ARHGAP24: variants seen among roughly 807,000 people sequenced by gnomAD.
ARHGAP24 encodes the protein Rho GTPase activating protein 24.
ARHGAP24 carries 50 observed loss-of-function variants against 76.4 expected under a neutral mutation model. That is an observed-to-expected ratio of 0.65 (90% CI 0.52 to 0.83). ARHGAP24 has a LOEUF of 0.83. Among genes scored for constraint, ARHGAP24 ranks in the 40% least tolerant of loss-of-function variants. The pLI, the probability that ARHGAP24 is intolerant of heterozygous loss-of-function variation, is 0.00. For synonymous variants in ARHGAP24, 345 were observed against 323.3 expected (o/e 1.07, Z -0.72); for missense variants, 930 against 914.2 (o/e 1.02, Z -0.22).
chr4:85,492,022 C>CTTTTTTTTTTTTTTTTTTTTTTTTTT (rs1560507162), intron 1 of ARHGAP24, among the ~76,000 whole-genome samples: 1 of 151,756 alleles, frequency 6.6e-6, no homozygotes, highest in African/African-American at 2.4e-5. Context: ...CATTTTGGTT[C>CTTTTTTTTTTTTTTTTTTTTTTTTTT]TTTTTATTTC....
intron 4 of ARHGAP24, among the ~76,000 whole-genome samples, chr4:85,937,867 C>A (rs1736736399): frequency 6.6e-6 from 1 of 152,122 alleles, no homozygotes; most frequent in Non-Finnish European, 1.5e-5. Flanking sequence ...GAGACAGAGT[C>A]ACATACTTCA....
chr4:85,601,144 T>C (rs1458403085), intron 2 of ARHGAP24, among the ~76,000 whole-genome samples: 2 of 152,234 alleles, frequency 1.3e-5, no homozygotes. Flanking sequence ...GTCTATATTT[T>C]TAATTTATTG....
chr4:85,746,656 G>T (rs1022877606), intron 3 of ARHGAP24, among the ~76,000 whole-genome samples: 1 of 151,876 alleles, frequency 6.6e-6, no homozygotes, highest in African/African-American at 2.4e-5. Flanking sequence ...GTTTTGTTGT[G>T]TTTTGTTTTT....
intron 1 of ARHGAP24, among the ~76,000 whole-genome samples, chr4:85,563,055 A>G (rs1211560264): frequency 6.6e-6 from 1 of 152,190 alleles, no homozygotes; most frequent in Non-Finnish European, 1.5e-5. Flanking sequence ...AGGATGGGGC[A>G]GGGAATCAAG....
intron 1 of ARHGAP24, among the ~76,000 whole-genome samples, chr4:85,543,195 C>A (rs1405399006): frequency 6.6e-6 from 1 of 152,138 alleles, no homozygotes; most frequent in Non-Finnish European, 1.5e-5. Context: ...GATTATGACA[C>A]CTTGAACATG....
chr4:85,906,287 G>A (rs559608966), intron 3 of ARHGAP24, among the ~76,000 whole-genome samples: 1 of 152,228 alleles, frequency 6.6e-6, no homozygotes, highest in South Asian at 2.1e-4. Context: ...AATAAATGAG[G>A]ACACCCATGT....
intron 3 of ARHGAP24, among the ~76,000 whole-genome samples, chr4:85,758,344 A>G (rs1471993138): frequency 6.6e-6 from 1 of 152,102 alleles, no homozygotes; most frequent in Non-Finnish European, 1.5e-5. Flanking sequence ...GGATGTTAGG[A>G]GAGAAGGCCT....
At chr4:85,722,819 G>A (rs1316634027) in intron 3 of ARHGAP24, among the ~76,000 whole-genome samples, 1 of 152,014 alleles carries the variant, frequency 6.6e-6, no homozygotes, top group Non-Finnish European at 1.5e-5. Flanking sequence ...AATTTATTTG[G>A]GTAAGTAATG....
chr4:85,573,510 G>C (rs1727223637), intron 2 of ARHGAP24, among the ~76,000 whole-genome samples: 2 of 152,110 alleles, frequency 1.3e-5, no homozygotes, highest in Non-Finnish European at 1.5e-5. Flanking sequence ...CCAGGACCAA[G>C]GCACCATGAG....
chr4:85,656,795 TAA>T (rs34198956), intron 2 of ARHGAP24, among the ~76,000 whole-genome samples: 1 of 150,300 alleles, frequency 6.7e-6, no homozygotes, highest in African/African-American at 2.4e-5. Flanking sequence ...TAATCAGCTT[TAA>T]AAAAAAAATA....
At chr4:85,852,800 T>C (rs946830718) in intron 3 of ARHGAP24, among the ~76,000 whole-genome samples, 98 of 152,268 alleles carry the variant, frequency 6.4e-4, no homozygotes, top group African/African-American at 2.3e-3. Context: ...GAACAGCAAA[T>C]ATTGCAGAAC....
At position 85,721,827 on chromosome 4, in the gene ARHGAP24, A is replaced by G. The variant is rs1325422055; in HGVS notation, c.181-58A>G. The G allele has an allele frequency of 7.8e-6, 11 of 1,402,716 alleles. No individual in the cohort carries two copies. The Admixed American group carries it at 1.7e-4, about 22-fold the overall frequency. The allele number at this position is 1,402,716 out of a possible 1,614,324, so 86.9% of individuals were successfully genotyped here. A position where few individuals can be genotyped will look rare whatever the true frequency, so the allele number is the denominator to read the frequency against. On this transcript the variant is annotated intron_variant, in intron 2 of 9. Coordinates refer to ENST00000395184, the MANE Select transcript of ARHGAP24 (RefSeq NM_001025616.3). ...CCTTGGATATTCACTGATTATAATG[A>G]TGATATATGATGTTTGCTCTCTGAT...
At chr4:85,551,789 T>C (rs1196199659) in intron 1 of ARHGAP24, among the ~76,000 whole-genome samples, 9 of 152,066 alleles carry the variant, frequency 5.9e-5, no homozygotes, top group Non-Finnish European at 2.9e-5. Flanking sequence ...ACATTTCTCA[T>C]AGGTTTTTAA....
At chr4:85,884,238 A>G (rs1272969320) in intron 3 of ARHGAP24, among the ~76,000 whole-genome samples, 1 of 152,154 alleles carries the variant, frequency 6.6e-6, no homozygotes, top group Non-Finnish European at 1.5e-5. Flanking sequence ...GTTCTCCAAC[A>G]AATCTCTTTT....
intron 1 of ARHGAP24, among the ~76,000 whole-genome samples, chr4:85,500,455 G>A (rs1269098385): frequency 1.3e-5 from 2 of 152,198 alleles, no homozygotes; most frequent in Non-Finnish European, 2.9e-5. Context: ...AATGGTAATA[G>A]TACTGTCCTA....
At chr4:85,724,858 A>G (rs1417605534) in intron 3 of ARHGAP24, among the ~76,000 whole-genome samples, 1 of 152,158 alleles carries the variant, frequency 6.6e-6, no homozygotes, top group Non-Finnish European at 1.5e-5. Flanking sequence ...TGTTATTCAA[A>G]GGGATATCAG....
chr4:85,862,316 A>C (rs543064027), intron 3 of ARHGAP24, among the ~76,000 whole-genome samples: 7 of 152,046 alleles, frequency 4.6e-5, no homozygotes, highest in Non-Finnish European at 7.4e-5. Flanking sequence ...TGATGTACAG[A>C]AATTGGCAGT....
intron 1 of ARHGAP24, among the ~76,000 whole-genome samples, chr4:85,539,229 A>G (rs975815408): frequency 6.6e-6 from 1 of 152,210 alleles, no homozygotes; most frequent in Non-Finnish European, 1.5e-5. Context: ...ATGGTTTCCT[A>G]TATGTTCCAT....
chr4:85,811,835 GAGAAATA>G (rs1729025347), intron 3 of ARHGAP24, among the ~76,000 whole-genome samples: 1 of 152,124 alleles, frequency 6.6e-6, no homozygotes. Context: ...TATATGTATA[GAGAAATA>G]AAAGCTGGTA....
Sources: gnomAD v4.1 joint callset for allele counts (sites outside exome capture counted in the v4.1 genomes callset) on GRCh38, gnomAD v4.1.1 for gene constraint, MANE v1.5 for transcripts, NCBI Gene and HGNC (gene_info 2026-07-23, HGNC 2026-07-21) for gene names.